Variants in NELL1 observed in about 807,000 individuals in gnomAD.
NELL1 encodes neural EGFL like 1, also known as protein kinase C-binding protein NELL1.
A neutral mutation model predicts 107.4 loss-of-function variants in NELL1; 76 were observed. That is an observed-to-expected ratio of 0.71 (90% CI 0.59 to 0.86). The LOEUF is 0.86. Among genes scored for constraint, NELL1 ranks in the 40% least tolerant of loss-of-function variants. The pLI is 0.00. For synonymous variants in NELL1, 353 were observed against 341.2 expected, an observed-to-expected ratio of 1.03 and a Z score of -0.38; for missense variants, 1,024 against 1,005.5, an observed-to-expected ratio of 1.02 and a Z score of -0.25.
intron 12 of NELL1, among the ~76,000 whole-genome samples, chr11:21,098,358 TA>T (rs1490440692): frequency 6.6e-6 from 1 of 152,232 alleles, no homozygotes; most frequent in African/African-American, 2.4e-5. Flanking sequence ...CCTTTATTTT[TA>T]CCTCTGTCTC....
At chr11:21,499,758 G>A (rs1041155118) in intron 15 of NELL1, among the ~76,000 whole-genome samples, 1 of 152,092 alleles carries the variant, frequency 6.6e-6, no homozygotes, top group Non-Finnish European at 1.5e-5. Flanking sequence ...TGTGCACAAG[G>A]TCATTTTCAC....
chr11:20,837,616 G>A (rs1447322220), intron 3 of NELL1, among the ~76,000 whole-genome samples: 11 of 152,040 alleles, frequency 7.2e-5, no homozygotes, highest in African/African-American at 2.4e-4. Flanking sequence ...TGAGCCTTGA[G>A]CATCTTGTAG....
intron 14 of NELL1, among the ~76,000 whole-genome samples, chr11:21,285,756 C>T (rs1849102005): frequency 6.6e-6 from 1 of 152,164 alleles, no homozygotes; most frequent in South Asian, 2.1e-4. Flanking sequence ...TTACGGTTTA[C>T]TTTCAATCTT....
intron 2 of NELL1, among the ~76,000 whole-genome samples, chr11:20,710,227 C>T (rs185265234): frequency 9.7e-4 from 147 of 152,254 alleles, no homozygotes; most frequent in African/African-American, 3.4e-3. Context: ...TATGTCCCTT[C>T]TATGCCAGTT....
chr11:20,781,278 C>T (rs116491814), intron 2 of NELL1, among the ~76,000 whole-genome samples: 189 of 152,262 alleles, frequency 1.2e-3, no homozygotes, highest in African/African-American at 4.3e-3. Flanking sequence ...CAGGGTGTGA[C>T]CGTTTACTAA....
chr11:21,054,380 T>G (rs1299984459), intron 12 of NELL1, among the ~76,000 whole-genome samples: 1 of 152,132 alleles, frequency 6.6e-6, no homozygotes, highest in Non-Finnish European at 1.5e-5. Context: ...TGTTTAATAT[T>G]GTTTAAACAC....
At chr11:20,858,830 C>T (rs1167804313) in intron 4 of NELL1, among the ~76,000 whole-genome samples, 1 of 152,146 alleles carries the variant, frequency 6.6e-6, no homozygotes, top group Admixed American at 6.5e-5. Flanking sequence ...GGAAGGGATC[C>T]TCCTCCAGGG....
Position 21,353,687 on chromosome 11 carries a change from A to G in NELL1, c.1550-17166A>G, listed in dbSNP as rs186106705. Among the ~76,000 whole-genome samples the G allele has an allele frequency of 3.7e-3, 566 of 152,290 alleles. 4 individuals carry two copies. Among genetic ancestry groups the G allele is most frequent in the South Asian group, 8.3e-3 (40 of 4,818 alleles). On this transcript the variant is annotated intron_variant, in intron 14 of 19. Transcript: ENST00000357134. ...TCGCTTAAGAGGACCCTGGGTTTTG[A>G]CTTTGAAGGCAGCCAAAGAAAGGTC...
intron 13 of NELL1, among the ~76,000 whole-genome samples, chr11:21,180,585 G>A (rs1856806613): frequency 6.6e-6 from 1 of 151,762 alleles, no homozygotes; most frequent in Non-Finnish European, 1.5e-5. Context: ...ACAGCTGGAA[G>A]CCATTTAGGG....
intron 14 of NELL1, among the ~76,000 whole-genome samples, chr11:21,327,187 G>A: frequency 8.7e-6 from 1 of 114,406 alleles, no homozygotes; most frequent in Non-Finnish European, 1.7e-5. Context: ...TTGTGGGGGG[G>A]ACTGTTGTGG....
At chr11:21,091,587 A>G (rs1854522470) in intron 12 of NELL1, among the ~76,000 whole-genome samples, 1 of 152,146 alleles carries the variant, frequency 6.6e-6, no homozygotes, top group Non-Finnish European at 1.5e-5. Context: ...TTAATATATA[A>G]CATATTCACC....
At chr11:21,563,724 A>G (rs796395363) in intron 17 of NELL1, among the ~76,000 whole-genome samples, 9 of 152,100 alleles carry the variant, frequency 5.9e-5, no homozygotes, top group African/African-American at 2.2e-4. Context: ...GTATCTGTGC[A>G]GAGGTCCTTG....
intron 12 of NELL1, among the ~76,000 whole-genome samples, chr11:20,986,873 G>A (rs1032559718): frequency 6.6e-6 from 1 of 152,028 alleles, no homozygotes; most frequent in East Asian, 1.9e-4. Flanking sequence ...GCTCCCCTAC[G>A]TCAATTTTAT....
At chr11:21,218,529 G>A (rs961985686) in intron 13 of NELL1, among the ~76,000 whole-genome samples, 1 of 151,974 alleles carries the variant, frequency 6.6e-6, no homozygotes, top group Non-Finnish European at 1.5e-5. Context: ...TTAAAAATAT[G>A]CAATAAGTTA....
intron 15 of NELL1, among the ~76,000 whole-genome samples, chr11:21,391,073 T>C (rs2133782982): frequency 6.6e-6 from 1 of 152,016 alleles, no homozygotes; most frequent in African/African-American, 2.4e-5. Context: ...GTTGTTCAAA[T>C]GTTGCACATC....
intron 5 of NELL1, among the ~76,000 whole-genome samples, chr11:20,904,484 T>C (rs927494761): frequency 5.3e-5 from 8 of 152,274 alleles, no homozygotes; most frequent in African/African-American, 1.9e-4. Context: ...CCAAAGAGTA[T>C]GGTTGAGACA....
At chr11:20,893,184 T>C (rs1373650463) in intron 5 of NELL1, among the ~76,000 whole-genome samples, 1 of 151,912 alleles carries the variant, frequency 6.6e-6, no homozygotes, top group African/African-American at 2.4e-5. Context: ...TGCATGTTCT[T>C]ACTCATAAGT....
intron 13 of NELL1, among the ~76,000 whole-genome samples, chr11:21,138,539 A>G (rs1230439702): frequency 2.0e-5 from 3 of 152,162 alleles, no homozygotes; most frequent in African/African-American, 7.2e-5. Flanking sequence ...TCTCCTGAAA[A>G]CAAAGTCTGC....
In NELL1 at chr11:20,735,970, C is replaced by T. The variant is rs567130624; in HGVS notation, c.185-47710C>T. Among the ~76,000 whole-genome samples the T allele has an allele frequency of 1.2e-4, 18 of 151,950 alleles. No individual in the cohort carries two copies. In the South Asian group the frequency reaches 3.1e-3, roughly 26 times the overall value. On this transcript the variant is annotated intron_variant, in intron 2 of 19. Transcript: ENST00000357134. ...AAATCCTTGAATAGGAGAGAGGGGC[C>T]GGGATGCCATATGTGAGTGAGGGGA...
Sources: gnomAD v4.1 joint callset for allele counts (sites outside exome capture counted in the v4.1 genomes callset) on GRCh38, gnomAD v4.1.1 for gene constraint, MANE v1.5 for transcripts, NCBI Gene and HGNC (gene_info 2026-07-23, HGNC 2026-07-21) for gene names.